The following C2CD3 variants were observed in gnomAD, a reference collection of about 807,000 sequenced individuals.
The protein encoded by C2CD3 is C2 domain-containing protein 3.
C2CD3 carries 148 observed loss-of-function variants against 234.0 expected under a neutral mutation model. The observed-to-expected ratio is 0.63, with a 90% CI of 0.55 to 0.72. The LOEUF (loss-of-function observed/expected upper bound fraction) is 0.72, where lower values mean the gene tolerates loss of function less well. Ranked by LOEUF, C2CD3 falls within the 30% of genes least tolerant of loss-of-function variation. C2CD3 has a pLI of 0.00. For missense variants in C2CD3, 2,577 were observed against 2,811.5 expected, an observed-to-expected ratio of 0.92 and a Z score of 1.89; for synonymous variants, 1,000 against 1,035.4, an observed-to-expected ratio of 0.97 and a Z score of 0.66.
chr11:74,134,239 G>GTTGC (rs779693035), intron 5 of C2CD3, among the ~76,000 whole-genome samples: 2 of 152,206 alleles, frequency 1.3e-5, no homozygotes, highest in African/African-American at 2.4e-5. Flanking sequence ...ACTTGACCAA[G>GTTGC]TTGTACACGC....
intron 22 of C2CD3, among the ~76,000 whole-genome samples, chr11:74,082,968 A>G (rs893113661): frequency 1.0e-3 from 157 of 152,372 alleles, no homozygotes; most frequent in African/African-American, 3.5e-3. Flanking sequence ...AACCAAAAAA[A>G]GAGCCCGCAT....
intron 7 of C2CD3, among the ~76,000 whole-genome samples, chr11:74,131,023 T>C (rs905443894): frequency 6.6e-6 from 1 of 151,688 alleles, no homozygotes; most frequent in Non-Finnish European, 1.5e-5. Flanking sequence ...GACTGGAGTG[T>C]AGTAATCATG....
intron 9 of C2CD3, among the ~76,000 whole-genome samples, chr11:74,116,002 G>T (rs1373899188): frequency 3.9e-5 from 6 of 152,030 alleles, no homozygotes. Flanking sequence ...TTAAATCTAA[G>T]ACCTCAAATC....
chr11:74,026,373 A>G (rs1472492787), intron 32 of C2CD3, among the ~76,000 whole-genome samples: 1 of 152,142 alleles, frequency 6.6e-6, no homozygotes, highest in Non-Finnish European at 1.5e-5. Context: ...GCCAAATAAA[A>G]TGAGACATCT....
chr11:74,035,280 A>G (rs1277283044), intron 30 of C2CD3, among the ~76,000 whole-genome samples: 3 of 152,216 alleles, frequency 2.0e-5, no homozygotes, highest in Non-Finnish European at 4.4e-5. Flanking sequence ...AGGCATGGGG[A>G]AGCATGTTTA....
intron 7 of C2CD3, among the ~76,000 whole-genome samples, chr11:74,123,548 AC>A (rs1957294335): frequency 6.6e-6 from 1 of 152,178 alleles, no homozygotes; most frequent in Non-Finnish European, 1.5e-5. Flanking sequence ...TCACAGATAC[AC>A]CCACTTCCAA....
In C2CD3 at chr11:74,109,055, T is replaced by C. The variant is rs1391918431; in HGVS notation, c.1941A>G (p.Val647=). The C allele has an allele frequency of 1.3e-6, 2 of 1,598,978 alleles. No individual in the cohort carries two copies. The highest frequency in any genetic ancestry group is 1.7e-6 in the Non-Finnish European group (2 of 1,168,376). Residue 647 remains valine (V), a synonymous_variant, in exon 12 of 33, where the codon GTA becomes GTG. Coordinates refer to ENST00000334126, the MANE Select transcript of C2CD3 (RefSeq NM_001286577.2). ...GTACCTTTTTCTGTGGAGTTTTCTT[T>C]ACATAAATTTGGAAAGTGAGGTTGG... ...WNSNLTFQIY[V]KKTPQKKPEV...
At chr11:74,117,748 T>C (rs1016523347) in intron 9 of C2CD3, among the ~76,000 whole-genome samples, 1 of 152,014 alleles carries the variant, frequency 6.6e-6, no homozygotes, top group African/African-American at 2.4e-5. Flanking sequence ...ACGCCGTCTC[T>C]ACTAAAAATA....
chr11:74,085,827 G>A lies in C2CD3; in HGVS notation c.3701C>T (p.Ser1234Phe). ...CAGGAAGGAGAGATGAGTGGTGACAGAGGCATTGACCCCGACTGTGGCACT... is the reference window on the plus strand; with the variant it reads ...CAGGAAGGAGAGATGAGTGGTGACAAAGGCATTGACCCCGACTGTGGCACT... ...QFSATVGVNA[S>F]VTTHLSFLPQ... Residue 1234 changes from serine to phenylalanine, a missense_variant, in exon 21 of 33, where the codon TCT becomes TTT. Ser to Phe is a radical substitution (Grantham distance 155, BLOSUM62 -2). Coordinates refer to ENST00000334126, the MANE Select transcript of C2CD3 (RefSeq NM_001286577.2). The A allele has an allele frequency of 6.2e-7, 1 of 1,614,130 alleles. No individual in the cohort carries two copies. The highest frequency in any genetic ancestry group is 8.5e-7 in the Non-Finnish European group (1 of 1,180,002).
chr11:74,075,499 G>GT lies in C2CD3; in HGVS notation c.4604-900dup, dbSNP rs750798469. Among the ~76,000 whole-genome samples, 230 of 150,824 alleles carry GT rather than the reference G, an allele frequency of 1.5e-3. 1 individual carries two copies. Among genetic ancestry groups the GT allele is most frequent in the Non-Finnish European group, 2.2e-3 (150 of 67,174 alleles). ...ATAAACTGCCAACATCACTCTGGCAGTAAGTGGCAGATTTAAGCCCAGAGA... is the reference window on the plus strand; with the variant it reads ...ATAAACTGCCAACATCACTCTGGCAGTTAAGTGGCAGATTTAAGCCCAGAGA... On this transcript the variant is annotated intron_variant, in intron 23 of 32. Transcript: ENST00000334126.
intron 3 of C2CD3, among the ~76,000 whole-genome samples, chr11:74,151,152 C>G (rs535840750): frequency 5.6e-4 from 86 of 152,244 alleles, no homozygotes; most frequent in African/African-American, 1.9e-3. Flanking sequence ...TCTCGAACTC[C>G]TGACCTGGTG....
intron 31 of C2CD3, 132 bp downstream of exon 31, chr11:74,033,219 T>TG (rs1952593031): frequency 1.5e-6 from 1 of 676,474 alleles, no homozygotes; most frequent in East Asian, 2.7e-5. Context: ...GTCATGCAGG[T>TG]GGGGTCTTCT....
rs754725440 is a variant in C2CD3 at position 74,106,397 on chromosome 11, C to G, written c.2059G>C (p.Gly687Arg). The change falls in exon 13 of 33, where the codon GGT becomes CGT. Residue 687 changes from glycine (G) to arginine (R), a missense_variant. Physicochemically the swap from Gly to Arg is moderately radical, Grantham distance 125. Transcript: ENST00000334126. Reference sequence around the variant, plus strand: ...TTGAGGGGGCCAAATGGAGACTGACCATTTTCTTGTTGCACTGGAAGCTGA... The same window carrying G: ...TTGAGGGGGCCAAATGGAGACTGACGATTTTCTTGTTGCACTGGAAGCTGA... ...SDQLPVQQEN[G>R]QSPFGPLKVT... The G allele has an allele frequency of 3.7e-6, 6 of 1,614,100 alleles. No homozygotes were observed. The highest frequency in any genetic ancestry group is 3.4e-6 in the Non-Finnish European group (4 of 1,179,982).
At chr11:74,014,595 CT>C (rs1358339736) in intron 32 of C2CD3, among the ~76,000 whole-genome samples, 2 of 152,200 alleles carry the variant, frequency 1.3e-5, no homozygotes, top group Non-Finnish European at 2.9e-5. Context: ...TTCAGTTATT[CT>C]TTCTTTCATG....
intron 3 of C2CD3, among the ~76,000 whole-genome samples, chr11:74,159,065 C>T (rs1856251747): frequency 6.6e-6 from 1 of 152,076 alleles, no homozygotes; most frequent in African/African-American, 2.4e-5. Context: ...CGACAGTGGT[C>T]CCATAAGATT....
At chr11:74,081,901 T>C (rs1408685885) in intron 22 of C2CD3, among the ~76,000 whole-genome samples, 2 of 152,162 alleles carry the variant, frequency 1.3e-5, no homozygotes. Flanking sequence ...ATGGGGTTTT[T>C]TTTCTAAATA....
chr11:74,105,997 T>C (rs1956502228), intron 13 of C2CD3, among the ~76,000 whole-genome samples: 1 of 152,214 alleles, frequency 6.6e-6, no homozygotes, highest in Non-Finnish European at 1.5e-5. Context: ...ACTCTCTCTC[T>C]TGCTCACTAT....
chr11:74,061,673 C>T (rs1044104455), intron 24 of C2CD3, among the ~76,000 whole-genome samples: 11 of 152,290 alleles, frequency 7.2e-5, no homozygotes, highest in African/African-American at 2.4e-4. Flanking sequence ...ACAAACATGC[C>T]AAATTGTAAA....
At chr11:74,088,588 A>C (rs1425318504) in intron 20 of C2CD3, among the ~76,000 whole-genome samples, 1 of 152,234 alleles carries the variant, frequency 6.6e-6, no homozygotes, top group Non-Finnish European at 1.5e-5. Context: ...CCTCAGACAG[A>C]GCAACTACTG....
Sources: gnomAD v4.1 joint callset for allele counts (sites outside exome capture counted in the v4.1 genomes callset) on GRCh38, gnomAD v4.1.1 for gene constraint, MANE v1.5 for transcripts, NCBI Gene and HGNC (gene_info 2026-07-23, HGNC 2026-07-21) for gene names.